The following PHF21B variants were observed in gnomAD, a reference collection of about 807,000 sequenced individuals.
The protein encoded by PHF21B is PHD finger protein 21B, also known as PHD finger protein 4.
In PHF21B, 22 loss-of-function variants were observed where a neutral mutation model predicts 62.2. The observed-to-expected ratio is 0.35, with a 90% CI of 0.25 to 0.51. The LOEUF (loss-of-function observed/expected upper bound fraction) is 0.51, where lower values mean the gene tolerates loss of function less well. Ranked by LOEUF, PHF21B falls within the 20% of genes least tolerant of loss-of-function variation. PHF21B has a pLI of 0.97. For missense variants in PHF21B, 701 were observed against 707.9 expected (o/e 0.99, Z 0.11); for synonymous variants, 341 against 314.7 (o/e 1.08, Z -0.88).
At chr22:44,984,077 CCACCATCACCATCATCAT>C (rs2072891693) in intron 2 of PHF21B, among the ~76,000 whole-genome samples, 1 of 144,892 alleles carries the variant, frequency 6.9e-6, no homozygotes. Flanking sequence ...ACCATCACCA[CCACCATCACCATCATCAT>C]CACCATCATC....
chr22:45,007,672 T>G (rs1328000645), intron 2 of PHF21B, among the ~76,000 whole-genome samples: 1 of 124,816 alleles, frequency 8.0e-6, no homozygotes, highest in Non-Finnish European at 1.7e-5. Flanking sequence ...AGTTCTCGGC[T>G]CGGGGCTGCG....
At chr22:44,968,601 G>A (rs988952338) in intron 2 of PHF21B, among the ~76,000 whole-genome samples, 3 of 138,196 alleles carry the variant, frequency 2.2e-5, no homozygotes, top group African/African-American at 2.8e-5. Flanking sequence ...CTGAGATTGC[G>A]CCACTGCACT....
chr22:44,954,736 T>C (rs922153787), intron 2 of PHF21B, among the ~76,000 whole-genome samples: 4 of 152,198 alleles, frequency 2.6e-5, no homozygotes, highest in African/African-American at 9.7e-5. Context: ...GAGCGTATTG[T>C]GTTTGTAGAG....
chr22:44,927,009 C>T (rs1420205891), intron 2 of PHF21B, among the ~76,000 whole-genome samples: 5 of 152,140 alleles, frequency 3.3e-5, no homozygotes, highest in South Asian at 2.1e-4. Flanking sequence ...CAAGGCTCGA[C>T]GCTCCCTCCT....
chr22:44,888,638 C>T (rs1202250604), intron 9 of PHF21B, among the ~76,000 whole-genome samples: 3 of 152,210 alleles, frequency 2.0e-5, no homozygotes, highest in Admixed American at 1.3e-4. Flanking sequence ...GTTCACCATC[C>T]ACGTGTCAAC....
chr22:44,916,348 TG>T lies in PHF21B; in HGVS notation c.495del (p.Ser166AlafsTer118). The stretch of plus-strand genomic sequence containing the variant: ...TCACTGACCACAGACACGGCGGTGC[TG>T]GGGGCCATGGCGGCGGCATTGCTGG... ...TSPSNAAAMA[P>X]STAVSVVSDS... is the part of the protein sequence containing the mutation. On this transcript the variant is annotated frameshift_variant, in exon 4 of 13. Transcript: ENST00000313237. LOFTEE classifies it high-confidence loss of function. The T allele has an allele frequency of 1.3e-6, 2 of 1,597,738 alleles. No homozygotes were observed. The highest frequency in any genetic ancestry group is 8.5e-7 in the Non-Finnish European group (1 of 1,176,666).
At chr22:44,998,283 C>G in intron 2 of PHF21B, among the ~76,000 whole-genome samples, 1 of 152,210 alleles carries the variant, frequency 6.6e-6, no homozygotes, top group East Asian at 1.9e-4. Context: ...ATAAGGTCAT[C>G]CATGCAGGAC....
intron 5 of PHF21B, among the ~76,000 whole-genome samples, chr22:44,903,167 C>A (rs1365567545): frequency 6.6e-6 from 1 of 152,184 alleles, no homozygotes; most frequent in Non-Finnish European, 1.5e-5. Context: ...CCAGCACATT[C>A]TCTCTATATT....
intron 5 of PHF21B, among the ~76,000 whole-genome samples, chr22:44,897,132 A>C (rs1385774147): frequency 6.6e-6 from 1 of 152,038 alleles, no homozygotes; most frequent in Admixed American, 6.6e-5. Flanking sequence ...CCAGCCTCCC[A>C]AAGTGCTGGT....
chr22:44,967,599 A>C (rs908750024), intron 2 of PHF21B, among the ~76,000 whole-genome samples: 2 of 152,232 alleles, frequency 1.3e-5, no homozygotes, highest in African/African-American at 4.8e-5. Context: ...TATAGCACAG[A>C]GCATTCCCCA....
chr22:45,001,555 A>G (rs1315945154), intron 2 of PHF21B, among the ~76,000 whole-genome samples: 1 of 152,174 alleles, frequency 6.6e-6, no homozygotes, highest in African/African-American at 2.4e-5. Context: ...CCCCAACTGC[A>G]TGTGAAAACA....
chr22:44,987,927 G>A (rs1016903094), intron 2 of PHF21B, among the ~76,000 whole-genome samples: 8 of 152,078 alleles, frequency 5.3e-5, no homozygotes, highest in Admixed American at 2.6e-4. Context: ...AAAATAAGGT[G>A]GGCCACCCTG....
chr22:44,956,366 T>C (rs1236294160), intron 2 of PHF21B, among the ~76,000 whole-genome samples: 1 of 152,156 alleles, frequency 6.6e-6, no homozygotes, highest in Non-Finnish European at 1.5e-5. Flanking sequence ...CTGACGAGTG[T>C]ATCTTTTCCT....
At chr22:44,995,620 G>A (rs953563153) in intron 2 of PHF21B, among the ~76,000 whole-genome samples, 2 of 152,100 alleles carry the variant, frequency 1.3e-5, no homozygotes, top group African/African-American at 2.4e-5. Flanking sequence ...CTTGAATCTC[G>A]GGAATCACCA....
chr22:44,963,623 C>G (rs2072467854), intron 2 of PHF21B, among the ~76,000 whole-genome samples: 1 of 152,204 alleles, frequency 6.6e-6, no homozygotes, highest in South Asian at 2.1e-4. Flanking sequence ...TCCAGGCACT[C>G]ACCGCAGACT....
At chr22:44,999,782 C>A (rs2073181643) in intron 2 of PHF21B, among the ~76,000 whole-genome samples, 1 of 152,028 alleles carries the variant, frequency 6.6e-6, no homozygotes, top group African/African-American at 2.4e-5. Flanking sequence ...GGGGTGTGAT[C>A]TCAACAAGGC....
intron 2 of PHF21B, among the ~76,000 whole-genome samples, chr22:44,928,053 A>C (rs9614986): frequency 0.36 from 53,978 of 151,992 alleles, 10,283 homozygotes; most frequent in Admixed American, 0.42. Context: ...ACAACCTTCC[A>C]GGGCAAAAGC....
intron 1 of PHF21B, 47 bp from the exon 2 acceptor site, chr22:45,008,657 G>T (rs1307137990): frequency 4.6e-6 from 7 of 1,523,390 alleles, no homozygotes; most frequent in Non-Finnish European, 6.2e-6. Context: ...CCCGGGGTCA[G>T]GTGCACCCCA....
At position 44,977,191 on chromosome 22, in the gene PHF21B, G is replaced by A. The variant is rs538050688; in HGVS notation, c.120+31354C>T. ...ATATTCACTTTGAAATCCTCCACTCGCTACAGGTAACTACTACTATTTTGT... is the reference window on the plus strand; with the variant it reads ...ATATTCACTTTGAAATCCTCCACTCACTACAGGTAACTACTACTATTTTGT... On this transcript the variant is annotated intron_variant, in intron 2 of 12. Coordinates refer to ENST00000313237, the MANE Select transcript of PHF21B (RefSeq NM_138415.5). 3.1e-4 allele frequency among the ~76,000 whole-genome samples: 47 copies of A among 152,130 alleles called. 1 individual carries two copies. The highest frequency in any genetic ancestry group is 9.4e-4 in the African/African-American group (39 of 41,500).
Sources: allele counts gnomAD v4.1 joint callset (sites outside exome capture counted in the v4.1 genomes callset), GRCh38; gene constraint gnomAD v4.1.1; transcripts MANE v1.5; gene names NCBI Gene and HGNC (gene_info 2026-07-23, HGNC 2026-07-21).